The following LHFPL3 variants were observed in gnomAD, a reference collection of about 807,000 sequenced individuals.
LHFPL3 encodes the protein LHFPL tetraspan subfamily member 3 protein.
A neutral mutation model predicts 19.3 loss-of-function variants in LHFPL3; 5 were observed. The observed-to-expected ratio is 0.26, with a 90% CI of 0.14 to 0.54. LHFPL3 has a LOEUF of 0.54. LHFPL3 is among the 20% of genes least tolerant of loss of function. The probability of loss-of-function intolerance (pLI) is 0.94; values close to 1 mark genes in which losing one functional copy is unlikely to be tolerated. For missense variants in LHFPL3, 249 were observed against 307.4 expected (o/e 0.81, Z 1.42); for synonymous variants, 133 against 126.2 (o/e 1.05, Z -0.36).
At chr7:104,481,771 T>C (rs34551080) in intron 1 of LHFPL3, among the ~76,000 whole-genome samples, 5,053 of 152,228 alleles carry the variant, frequency 0.033, 137 homozygotes, top group Non-Finnish European at 0.053. Flanking sequence ...ACTACTCACA[T>C]AAAAAGCTAG....
chr7:104,727,025 C>G (rs945739032), intron 1 of LHFPL3, among the ~76,000 whole-genome samples: 7 of 152,200 alleles, frequency 4.6e-5, no homozygotes, highest in Admixed American at 3.3e-4. Context: ...AATCACCATT[C>G]TGACTGGCAT....
At chr7:104,844,662 G>T (rs145146285) in intron 2 of LHFPL3, among the ~76,000 whole-genome samples, 57 of 152,286 alleles carry the variant, frequency 3.7e-4, no homozygotes, top group African/African-American at 1.3e-3. Flanking sequence ...AAACAACAAT[G>T]ATGTCTAACT....
At chr7:104,575,574 A>C (rs1191875926) in intron 1 of LHFPL3, among the ~76,000 whole-genome samples, 3 of 149,742 alleles carry the variant, frequency 2.0e-5, no homozygotes, top group Non-Finnish European at 4.4e-5. Context: ...AAAAAAAAAA[A>C]AAAAAAAAAA....
intron 1 of LHFPL3, among the ~76,000 whole-genome samples, chr7:104,487,485 G>C (rs1793259742): frequency 6.6e-6 from 1 of 152,176 alleles, no homozygotes; most frequent in Non-Finnish European, 1.5e-5. Context: ...CACTCACTCA[G>C]ACTGAGACAA....
At chr7:104,646,830 G>A (rs1791944398) in intron 1 of LHFPL3, among the ~76,000 whole-genome samples, 1 of 152,060 alleles carries the variant, frequency 6.6e-6, no homozygotes, top group South Asian at 2.1e-4. Context: ...TCAGTATTTA[G>A]CAAACTTCTT....
intron 1 of LHFPL3, among the ~76,000 whole-genome samples, chr7:104,714,558 CAG>C (rs1207428322): frequency 6.6e-6 from 1 of 151,278 alleles, no homozygotes; most frequent in Non-Finnish European, 1.5e-5. Flanking sequence ...TTTAGTAAGT[CAG>C]TGCCTCGGAG....
chr7:104,710,729 A>C (rs1793286354), intron 1 of LHFPL3, among the ~76,000 whole-genome samples: 1 of 152,218 alleles, frequency 6.6e-6, no homozygotes, highest in Non-Finnish European at 1.5e-5. Context: ...TTCATGTAAG[A>C]CAATTAGAAG....
intron 2 of LHFPL3, among the ~76,000 whole-genome samples, chr7:104,905,608 A>C (rs1792581694): frequency 6.6e-6 from 1 of 152,178 alleles, no homozygotes; most frequent in Non-Finnish European, 1.5e-5. Flanking sequence ...GCTGATATGG[A>C]CAATGGAAAT....
intron 1 of LHFPL3, among the ~76,000 whole-genome samples, chr7:104,481,229 A>G (rs1401486551): frequency 6.6e-6 from 1 of 152,170 alleles, no homozygotes. Flanking sequence ...ATACTCCTGA[A>G]TGAGTTCTTC....
chr7:104,702,411 A>G (rs971848456), intron 1 of LHFPL3, among the ~76,000 whole-genome samples: 1 of 152,090 alleles, frequency 6.6e-6, no homozygotes, highest in Admixed American at 6.6e-5. Flanking sequence ...TCAAATATCT[A>G]CTAATCCTTA....
At chr7:104,460,290 G>A (rs953917000) in intron 1 of LHFPL3, among the ~76,000 whole-genome samples, 5 of 152,106 alleles carry the variant, frequency 3.3e-5, no homozygotes, top group African/African-American at 1.2e-4. Context: ...TTGCTATTGT[G>A]AATAGTACTA....
At chr7:104,455,534 A>G (rs1792522560) in intron 1 of LHFPL3, among the ~76,000 whole-genome samples, 1 of 152,188 alleles carries the variant, frequency 6.6e-6, no homozygotes, top group South Asian at 2.1e-4. Context: ...TAGCCTGGCC[A>G]ACACGGTGAA....
intron 1 of LHFPL3, among the ~76,000 whole-genome samples, chr7:104,652,646 C>A (rs7779168): frequency 0.13 from 19,071 of 151,914 alleles, 1,319 homozygotes; most frequent in African/African-American, 0.16. Flanking sequence ...AGCGATAGCA[C>A]CCTGATTGCT....
At chr7:104,693,592 C>T (rs925046820) in intron 1 of LHFPL3, among the ~76,000 whole-genome samples, 1 of 152,150 alleles carries the variant, frequency 6.6e-6, no homozygotes, top group Non-Finnish European at 1.5e-5. Context: ...CATTCATTCT[C>T]TTCTCTGCTG....
chr7:104,722,300 C>A (rs990479650), intron 1 of LHFPL3, among the ~76,000 whole-genome samples: 1 of 152,156 alleles, frequency 6.6e-6, no homozygotes, highest in African/African-American at 2.4e-5. Flanking sequence ...CAAACTGGAG[C>A]TACGTATTTT....
At chr7:104,354,001 C>A (rs994739285) in intron 1 of LHFPL3, among the ~76,000 whole-genome samples, 1 of 152,136 alleles carries the variant, frequency 6.6e-6, no homozygotes, top group African/African-American at 2.4e-5. Flanking sequence ...CTTCCTCACC[C>A]ACTGACAAAC....
intron 2 of LHFPL3, among the ~76,000 whole-genome samples, chr7:104,836,084 A>G (rs1047372381): frequency 1.3e-5 from 2 of 152,164 alleles, no homozygotes; most frequent in African/African-American, 4.8e-5. Flanking sequence ...CGAGGATCTG[A>G]TATTTAAGCT....
At chr7:104,365,109 G>A (rs564147390) in intron 1 of LHFPL3, among the ~76,000 whole-genome samples, 98 of 152,202 alleles carry the variant, frequency 6.4e-4, no homozygotes, top group Non-Finnish European at 1.1e-3. Flanking sequence ...AGACCAACCT[G>A]ACCAACATGG....
intron 2 of LHFPL3, among the ~76,000 whole-genome samples, chr7:104,896,779 A>G (rs1233180760): frequency 6.6e-6 from 1 of 152,052 alleles, no homozygotes; most frequent in Admixed American, 6.5e-5. Flanking sequence ...AGTAGAAGGT[A>G]TCACTGCTAA....
Sources: gnomAD v4.1 joint callset for allele counts (sites outside exome capture counted in the v4.1 genomes callset) on GRCh38, gnomAD v4.1.1 for gene constraint, MANE v1.5 for transcripts, NCBI Gene and HGNC (gene_info 2026-07-23, HGNC 2026-07-21) for gene names.